PPOX: variants seen among roughly 807,000 people sequenced by gnomAD.
PPOX encodes the protein protoporphyrinogen oxidase.
In PPOX, 23 loss-of-function variants were observed where a neutral mutation model predicts 54.1. The observed-to-expected ratio is 0.43, with a 90% CI of 0.31 to 0.60. The LOEUF is 0.60. PPOX is among the 20% of genes least tolerant of loss of function. The pLI, the probability that PPOX is intolerant of heterozygous loss-of-function variation, is 0.13. For missense variants in PPOX, 512 were observed against 601.1 expected, an observed-to-expected ratio of 0.85 and a Z score of 1.55; for synonymous variants, 224 against 236.1, an observed-to-expected ratio of 0.95 and a Z score of 0.47.
chr1:161,170,614 C>A lies in PPOX; in HGVS notation c.1099-6C>A. ...CAGACTGATCAGTGCTATATTCCCT[C>A]CTTAGGTGATGCTGGGAGGTTCCTG... is the stretch of plus-strand genomic sequence containing the variant. On this transcript the variant is annotated splice_region_variant and splice_polypyrimidine_tract_variant and intron_variant, in intron 10 of 12. Transcript: ENST00000367999. 6.2e-7 allele frequency: 1 copy of A among 1,614,168 alleles called. No homozygotes were observed. The highest frequency in any genetic ancestry group is 8.5e-7 in the Non-Finnish European group (1 of 1,180,032).
At chr1:161,165,764 A>C, upstream of PPOX, 1 of 243,472 alleles carries the variant, frequency 4.1e-6, no homozygotes, top group Non-Finnish European at 8.1e-6. Context: ...GGTGATAGAG[A>C]ACTGAGCCAA....
intron 2 of PPOX, 43 bp downstream of exon 2, chr1:161,166,977 C>T (rs936758478): frequency 6.2e-6 from 10 of 1,611,352 alleles, no homozygotes; most frequent in Non-Finnish European, 6.8e-6. Flanking sequence ...ATTTAATGCT[C>T]TTCCCATTTC....
downstream of PPOX, chr1:161,175,319 C>A: frequency 8.6e-7 from 1 of 1,167,736 alleles, no homozygotes; most frequent in South Asian, 1.4e-5. Flanking sequence ...CACTGGCAGT[C>A]TGGTTCTGGG....
rs1659012587 is a variant in PPOX at position 161,166,662 on chromosome 1, A to C, written c.-19A>C. 6.7e-7 allele frequency: 1 copy of C among 1,490,730 alleles called. No individual in the cohort carries two copies. Among genetic ancestry groups the C allele is most frequent in the East Asian group, 2.5e-5 (1 of 40,462 alleles). 92.3% of individuals were successfully genotyped at this position (1,490,730 alleles called of 1,614,324 possible). A position where few individuals can be genotyped will look rare whatever the true frequency, so the allele number is the denominator to read the frequency against. On this transcript the variant is annotated 5_prime_UTR_variant, in exon 1 of 13. Coordinates refer to ENST00000367999, the MANE Select transcript of PPOX (RefSeq NM_001122764.3). ...TTCTCCCTCATTTTCTCTCATCCCT[A>C]CCTATTGTGGGTGAGTCCTGGCCCC...
intron 9 of PPOX, 170 bp from the exon 10 acceptor site, chr1:161,170,239 C>T (rs762968701): frequency 2.1e-5 from 17 of 823,536 alleles, no homozygotes; most frequent in African/African-American, 3.4e-5. Context: ...GCAGGAGAAT[C>T]GCTTGAACCC....
rs563189003 is a variant in PPOX at position 161,170,918 on chromosome 1, C to G, written c.1260C>G (p.Pro420=). 2.5e-6 allele frequency: 4 copies of G among 1,614,060 alleles called. No homozygotes were observed. The Admixed American group carries it at 6.7e-5, about 27-fold the overall frequency. ...TCCTCTCTTCTCAGAACTGCATTCCCCAGTATACACTAGGTCACTGGCAAA... is the reference window on the plus strand; with the variant it reads ...TCCTCTCTTCTCAGAACTGCATTCCGCAGTATACACTAGGTCACTGGCAAA... ...CLVHLHKNCI[P]QYTLGHWQKL... Residue 420 remains proline, a synonymous_variant, in exon 12 of 13, where the codon CCC becomes CCG. Transcript: ENST00000367999.
chr1:161,176,867 T>G, exon 5 of PPOX: 2 of 1,535,836 alleles, frequency 1.3e-6, no homozygotes, highest in African/African-American at 2.7e-5. Context: ...CCAGTTGAAG[T>G]GGCGACAGAG....
At position 161,169,961 on chromosome 1, in the gene PPOX, C is replaced by G. The variant is rs1458808410; in HGVS notation, c.924C>G (p.Ala308=). ...EAAPLARALS[A]ITAVSVAVVN... ...CCCCTCTGGCTCGTGCCCTGAGTGC[C>G]ATCACTGCAGTGTCTGTAGCTGTGG... Residue 308 remains alanine (A), a synonymous_variant, in exon 9 of 13, where the codon GCC becomes GCG. Coordinates refer to ENST00000367999, the MANE Select transcript of PPOX (RefSeq NM_001122764.3). 1 of 1,614,156 alleles carries G rather than the reference C, an allele frequency of 6.2e-7. No homozygotes were observed. Among genetic ancestry groups the G allele is most frequent in the Admixed American group, 1.7e-5 (1 of 60,022 alleles).
In PPOX at chr1:161,166,497, G is replaced by A. The variant is rs988699703; in HGVS notation, c.-184G>A. ...GATTTGAAGCACTTGTTGGCCTACA[G>A]AGGTGTGGCAAGCAGAGCACCTCAG... is the stretch of plus-strand genomic sequence containing the variant. On this transcript the variant is annotated 5_prime_UTR_variant, in exon 1 of 13. Coordinates refer to ENST00000367999, the MANE Select transcript of PPOX (RefSeq NM_001122764.3). 2 of 1,304,030 alleles carry A rather than the reference G, an allele frequency of 1.5e-6. No homozygotes were observed. Among genetic ancestry groups the A allele is most frequent in the Non-Finnish European group, 2.0e-6 (2 of 1,017,026 alleles). 80.8% of individuals were successfully genotyped at this position (1,304,030 alleles called of 1,614,324 possible).
rs907226945 is a variant in PPOX at position 161,176,689 on chromosome 1, A to G, written c.373-160A>G. The G allele has an allele frequency of 1.8e-5, 11 of 619,104 alleles. No individual in the cohort carries two copies. In the African/African-American group the frequency reaches 2.0e-4, roughly 11 times the overall value. The allele number at this position is 619,104 out of a possible 1,614,324, so 38.4% of individuals were successfully genotyped here. A position where few individuals can be genotyped will look rare whatever the true frequency, so the allele number is the denominator to read the frequency against. On this transcript the variant is annotated intron_variant, in intron 4 of 4. Coordinates refer to the PPOX transcript ENST00000497522. Reference sequence around the variant, plus strand: ...AGTGAAGGAAAGTGGTTGGAAAGGAAGAGGAGGAGCAGGAGATGGTAGGTC... The same window carrying G: ...AGTGAAGGAAAGTGGTTGGAAAGGAGGAGGAGGAGCAGGAGATGGTAGGTC...
At chr1:161,177,366 C>T, downstream of PPOX, 1 of 412,472 alleles carries the variant, frequency 2.4e-6, no homozygotes, top group South Asian at 2.9e-5. Context: ...CTCACTCTCT[C>T]GAATGCCCAA....
At chr1:161,172,094 G>A, downstream of PPOX, 1 of 1,614,080 alleles carries the variant, frequency 6.2e-7, no homozygotes, top group Non-Finnish European at 8.5e-7. Flanking sequence ...TCAAATCTGA[G>A]GGTTAGAGGT....
At chr1:161,177,282 C>G (rs1663978413), downstream of PPOX, 2 of 580,596 alleles carry the variant, frequency 3.4e-6, no homozygotes, top group African/African-American at 3.7e-5. Context: ...CGTGAGCCCG[C>G]CCGGCCCCCG....
rs1392386808 is a variant in PPOX, at chr1:161,171,076, C to G, written c.1334C>G (p.Thr445Ser). 1 of 1,614,096 alleles carries G rather than the reference C, an allele frequency of 6.2e-7. No homozygotes were observed. The highest frequency in any genetic ancestry group is 1.7e-5 in the Admixed American group (1 of 60,010). The change falls in exon 13 of 13, where the codon ACT becomes AGT. Residue 445 changes from threonine to serine, a missense_variant. Coordinates refer to ENST00000367999, the MANE Select transcript of PPOX (RefSeq NM_001122764.3). ...QFLTAHRLPL[T>S]LAGASYEGVA... Reference sequence around the variant, plus strand: ...CTGACTGCTCACAGGTTGCCCCTGACTCTGGCTGGAGCCTCCTATGAGGGA... The same window carrying G: ...CTGACTGCTCACAGGTTGCCCCTGAGTCTGGCTGGAGCCTCCTATGAGGGA...
At chr1:161,173,469 G>C, downstream of PPOX, 1 of 1,307,348 alleles carries the variant, frequency 7.6e-7, no homozygotes, top group East Asian at 2.3e-5. Flanking sequence ...ATCCTAAAAA[G>C]ACTAAGGGAA....
chr1:161,170,257 G>A lies in PPOX; in HGVS notation c.988-152G>A, dbSNP rs1029462107. ...GGAGAATCGCTTGAACCCAGGAGGTGGAGGTTGCAGTGAGCTGAGATCTCG... is the reference window on the plus strand; with the variant it reads ...GGAGAATCGCTTGAACCCAGGAGGTAGAGGTTGCAGTGAGCTGAGATCTCG... On this transcript the variant is annotated intron_variant, in intron 9 of 12. Coordinates refer to ENST00000367999, the MANE Select transcript of PPOX (RefSeq NM_001122764.3). 62 of 833,530 alleles carry A rather than the reference G, an allele frequency of 7.4e-5. 1 individual carries two copies. In the Admixed American group the frequency reaches 1.2e-3, roughly 16 times the overall value. The allele number at this position is 833,530 out of a possible 1,614,324, so 51.6% of individuals were successfully genotyped here. A position where few individuals can be genotyped will look rare whatever the true frequency, so the allele number is the denominator to read the frequency against.
At position 161,170,771 on chromosome 1, in the gene PPOX, T is replaced by C; in HGVS notation, c.1248+2T>C. The C allele has an allele frequency of 3.1e-6, 5 of 1,614,096 alleles. No homozygotes were observed. Among genetic ancestry groups the C allele is most frequent in the Non-Finnish European group, 4.2e-6 (5 of 1,180,016 alleles). ...CACTGCTTGGTCCATCTACACAAGG[T>C]AAGTTGGGATAAACTTCCCTCAGCT... On this transcript the variant is annotated splice_donor_variant, in intron 11 of 12. Coordinates refer to ENST00000367999, the MANE Select transcript of PPOX (RefSeq NM_001122764.3). LOFTEE classifies it high-confidence loss of function.
At chr1:161,177,593 G>A (rs1664099624), downstream of PPOX, 1 of 158,938 alleles carries the variant, frequency 6.3e-6, no homozygotes, top group Admixed American at 6.1e-5. Flanking sequence ...GCGTGGCCGG[G>A]GGCTTGTGAG....
upstream of PPOX, chr1:161,166,215 T>C (rs1249684946): frequency 1.0e-5 from 10 of 971,476 alleles, no homozygotes; most frequent in Non-Finnish European, 1.1e-5. Flanking sequence ...CATTAAGCGC[T>C]CGCCGCCTCG....
Sources: gnomAD v4.1 joint callset for allele counts on GRCh38, gnomAD v4.1.1 for gene constraint, MANE v1.5 for transcripts, NCBI Gene and HGNC (gene_info 2026-07-23, HGNC 2026-07-21) for gene names.